NF1: variants seen among roughly 807,000 people sequenced by gnomAD.
NF1 encodes the protein neurofibromin 1, also known as neurofibromin.
Under a neutral mutation model 325.7 loss-of-function variants are expected in NF1, and 122 were observed. The observed-to-expected ratio is 0.37, with a 90% CI of 0.32 to 0.44. The LOEUF is 0.44. Ranked by LOEUF, NF1 falls within the 20% of genes least tolerant of loss-of-function variation. The probability of loss-of-function intolerance (pLI) is 1.00; values close to 1 mark genes in which losing one functional copy is unlikely to be tolerated. For synonymous variants in NF1, 1,091 were observed against 1,186.0 expected (o/e 0.92, Z 1.65); for missense variants, 2,140 against 3,415.4 (o/e 0.63, Z 9.31).
At chr17:31,239,024 CA>C (rs1161322657) in intron 29 of NF1, among the ~76,000 whole-genome samples, 2 of 152,126 alleles carry the variant, frequency 1.3e-5, no homozygotes, top group African/African-American at 4.8e-5. Context: ...GTCTGGCTTT[CA>C]ACAAAACATT....
intron 34 of NF1, among the ~76,000 whole-genome samples, chr17:31,260,830 C>T (rs1186529250): frequency 6.6e-6 from 1 of 152,068 alleles, no homozygotes; most frequent in Non-Finnish European, 1.5e-5. Context: ...TTAGCGTTGG[C>T]ATTTGACTCT....
intron 14 of NF1, among the ~76,000 whole-genome samples, chr17:31,221,455 T>C (rs1323859439): frequency 6.6e-6 from 1 of 152,102 alleles, no homozygotes; most frequent in African/African-American, 2.4e-5. Flanking sequence ...GATAAGTAAA[T>C]CTTTTGCTGT....
chr17:31,137,005 A>G (rs1261232640), intron 1 of NF1: 3 of 152,178 alleles, frequency 2.0e-5, no homozygotes, highest in Non-Finnish European at 4.4e-5. Context: ...TTCCCTCAGT[A>G]TGTTAAAGAT....
intron 36 of NF1, among the ~76,000 whole-genome samples, chr17:31,300,234 A>G (rs1377987339): frequency 2.0e-5 from 3 of 152,024 alleles, no homozygotes; most frequent in African/African-American, 4.8e-5. Context: ...GTATATTCAG[A>G]TAAATCTTGC....
At chr17:31,139,520 A>G (rs973909829) in intron 1 of NF1, among the ~76,000 whole-genome samples, 2 of 151,946 alleles carry the variant, frequency 1.3e-5, no homozygotes, top group Non-Finnish European at 2.9e-5. Flanking sequence ...TGTCAATTAT[A>G]CCTCAAGCTG....
intron 30 of NF1, chr17:31,250,150 T>C (rs1314190598): frequency 2.9e-6 from 1 of 349,268 alleles, no homozygotes; most frequent in African/African-American, 2.1e-5. Flanking sequence ...TAAAACATAC[T>C]TAACCTTGTC....
chr17:31,142,649 C>T (rs1164320837), intron 1 of NF1, among the ~76,000 whole-genome samples: 2 of 152,028 alleles, frequency 1.3e-5, no homozygotes, highest in African/African-American at 2.4e-5. Flanking sequence ...GGGCAGATCA[C>T]GAGGTCAGGA....
chr17:31,352,200 G>A (rs1451887980), intron 50 of NF1, 57 bp from the exon 51 acceptor site: 13 of 1,545,726 alleles, frequency 8.4e-6, no homozygotes, highest in African/African-American at 2.7e-5. Context: ...AGGAGCAAAC[G>A]ATGGTTGTAT....
chr17:31,254,991 G>A (rs1017282648), intron 31 of NF1, among the ~76,000 whole-genome samples: 1 of 152,152 alleles, frequency 6.6e-6, no homozygotes, highest in Admixed American at 6.5e-5. Flanking sequence ...CTTTTTGGGT[G>A]TATATGTCAT....
At chr17:31,245,730 C>T (rs2067378366) in intron 29 of NF1, among the ~76,000 whole-genome samples, 1 of 152,172 alleles carries the variant, frequency 6.6e-6, no homozygotes, top group African/African-American at 2.4e-5. Context: ...CCTCCAGGCA[C>T]CTCTATGTGT....
intron 3 of NF1, 149 bp from the exon 4 acceptor site, chr17:31,163,037 G>T: frequency 1.4e-6 from 1 of 696,760 alleles, no homozygotes; most frequent in Non-Finnish European, 2.4e-6. Context: ...TAGCAAATAT[G>T]ATGAAACGTT....
At chr17:31,252,581 T>G in intron 30 of NF1, 1 of 259,630 alleles carries the variant, frequency 3.9e-6, no homozygotes. Context: ...TAGTGTGTGA[T>G]CTACTTGTAA....
At chr17:31,362,618 T>C (rs1043823019) in intron 57 of NF1, among the ~76,000 whole-genome samples, 3 of 152,198 alleles carry the variant, frequency 2.0e-5, no homozygotes, top group African/African-American at 7.2e-5. Context: ...CACCAGTTCT[T>C]TTTTTTCTGT....
rs1156443249 is a variant in NF1 at position 31,356,955 on chromosome 17, T to C, written c.7739-5T>C. The C allele has an allele frequency of 1.9e-6, 3 of 1,613,826 alleles. No individual in the cohort carries two copies. In the African/African-American group the frequency reaches 4.0e-5, roughly 22 times the overall value. The stretch of plus-strand genomic sequence containing the variant: ...TGATCACGTTAATTCCCTATCTTGC[T>C]GCAGAAACTCAGAGGATTTCCTCAT... On this transcript the variant is annotated splice_region_variant and splice_polypyrimidine_tract_variant and intron_variant, in intron 52 of 57. Transcript: ENST00000358273.
intron 36 of NF1, chr17:31,304,407 A>C: frequency 6.2e-7 from 1 of 1,614,186 alleles, no homozygotes; most frequent in Non-Finnish European, 8.5e-7. Flanking sequence ...GGGGCAAGTT[A>C]AGTGAGTCAA....
In NF1 at chr17:31,212,366, G is replaced by A. The variant is rs555927131; in HGVS notation, c.1393-2085G>A. On this transcript the variant is annotated intron_variant, in intron 12 of 57. Coordinates refer to ENST00000358273, the MANE Select transcript of NF1 (RefSeq NM_001042492.3). Reference sequence around the variant, plus strand: ...CTACTGAAGGACCTTCTGAGGCTGTGTTTCATAGTTAACTTTTTATCTTTA... The same window carrying A: ...CTACTGAAGGACCTTCTGAGGCTGTATTTCATAGTTAACTTTTTATCTTTA... Among the ~76,000 whole-genome samples the A allele has an allele frequency of 3.9e-5, 6 of 152,302 alleles. No individual in the cohort carries two copies. In the South Asian group the frequency reaches 1.2e-3, roughly 32 times the overall value.
At chr17:31,320,405 G>T in intron 36 of NF1, 1 of 1,606,218 alleles carries the variant, frequency 6.2e-7, no homozygotes. Flanking sequence ...GAAAGTCTTT[G>T]TTTCCAAACC....
intron 1 of NF1, among the ~76,000 whole-genome samples, chr17:31,132,982 A>G (rs1268731240): frequency 1.3e-5 from 2 of 152,112 alleles, no homozygotes; most frequent in South Asian, 4.1e-4. Flanking sequence ...CTTATGTTTA[A>G]ATGTGGAAAA....
intron 20 of NF1, 60 bp downstream of exon 20, chr17:31,227,666 T>C: frequency 7.1e-7 from 1 of 1,404,122 alleles, no homozygotes; most frequent in Admixed American, 1.7e-5. Flanking sequence ...TGTACTTCAC[T>C]TTGATAATCT....
Sources: gnomAD v4.1 joint callset for allele counts (sites outside exome capture counted in the v4.1 genomes callset) on GRCh38, gnomAD v4.1.1 for gene constraint, MANE v1.5 for transcripts, NCBI Gene and HGNC (gene_info 2026-07-23, HGNC 2026-07-21) for gene names.